MYCBP2: variants seen among roughly 807,000 people sequenced by gnomAD.
MYCBP2 encodes the protein MYC binding protein 2.
In MYCBP2, 120 loss-of-function variants were observed where a neutral mutation model predicts 525.3. That is an observed-to-expected ratio of 0.23 (90% CI 0.20 to 0.27). MYCBP2 has a LOEUF of 0.27. Among genes scored for constraint, MYCBP2 ranks in the 10% least tolerant of loss-of-function variants. The pLI is 1.00. For synonymous variants in MYCBP2, 1,894 were observed against 1,955.8 expected (o/e 0.97, Z 0.83); for missense variants, 4,149 against 5,657.1 (o/e 0.73, Z 8.55).
chr13:77,225,341 C>T, intron 19 of MYCBP2, 94 bp downstream of exon 19: 1 of 1,515,578 alleles, frequency 6.6e-7, no homozygotes, highest in Non-Finnish European at 9.0e-7. Context: ...GCTTTTAACA[C>T]ACAGTTAACA....
intron 3 of MYCBP2, among the ~76,000 whole-genome samples, chr13:77,279,614 A>G (rs1447823912): frequency 6.6e-6 from 1 of 152,196 alleles, no homozygotes; most frequent in Non-Finnish European, 1.5e-5. Context: ...AAATTGAAAT[A>G]AGACTAATTA....
At chr13:77,093,665 TATC>T (rs1446254726) in intron 58 of MYCBP2, among the ~76,000 whole-genome samples, 4 of 152,142 alleles carry the variant, frequency 2.6e-5, no homozygotes, top group Admixed American at 6.6e-5. Flanking sequence ...CTTAGCCCTC[TATC>T]ATCATCATCT....
chr13:77,211,868 A>G, intron 22 of MYCBP2, 88 bp downstream of exon 22: 1 of 1,075,448 alleles, frequency 9.3e-7, no homozygotes, highest in Non-Finnish European at 1.4e-6. Context: ...AAGCTACAAA[A>G]GTACATTTCA....
At chr13:77,299,478 G>A (rs1229676975) in intron 1 of MYCBP2, among the ~76,000 whole-genome samples, 2 of 152,034 alleles carry the variant, frequency 1.3e-5, no homozygotes, top group African/African-American at 4.8e-5. Context: ...AGAGGAAGAG[G>A]TAGAAGTTTT....
chr13:77,154,141 GT>G (rs1361465166), intron 46 of MYCBP2, among the ~76,000 whole-genome samples: 1 of 152,050 alleles, frequency 6.6e-6, no homozygotes, highest in Non-Finnish European at 1.5e-5. Flanking sequence ...AGTAAAATAG[GT>G]TAAATTAATT....
chr13:77,243,548 G>A (rs1436544669), intron 16 of MYCBP2, among the ~76,000 whole-genome samples: 4 of 151,772 alleles, frequency 2.6e-5, no homozygotes, highest in Non-Finnish European at 5.9e-5. Flanking sequence ...AGAAGGCGGA[G>A]GTTGCAGTGA....
chr13:77,066,817 G>A (rs2040286637), intron 71 of MYCBP2, among the ~76,000 whole-genome samples: 1 of 152,048 alleles, frequency 6.6e-6, no homozygotes, highest in Admixed American at 6.5e-5. Context: ...GTAGTGAGGT[G>A]TTTTCATTTG....
intron 40 of MYCBP2, 131 bp from the exon 41 acceptor site, chr13:77,166,685 T>C (rs1358707208): frequency 2.0e-6 from 1 of 501,132 alleles, no homozygotes; most frequent in Non-Finnish European, 3.3e-6. Context: ...AAAATTAAAA[T>C]AGAATAAAAT....
intron 52 of MYCBP2, among the ~76,000 whole-genome samples, chr13:77,134,658 C>G (rs562529920): frequency 6.6e-6 from 1 of 151,710 alleles, no homozygotes; most frequent in South Asian, 2.1e-4. Context: ...CACAGAGGAT[C>G]TGAACCCTTC....
chr13:77,146,073 T>C (rs2055495443), intron 48 of MYCBP2, 89 bp downstream of exon 48: 4 of 797,508 alleles, frequency 5.0e-6, no homozygotes, highest in South Asian at 4.3e-5. Flanking sequence ...TATTTATTTA[T>C]AGAAAATAAA....
chr13:77,119,551 A>C (rs1186636022), intron 55 of MYCBP2, among the ~76,000 whole-genome samples: 1 of 152,178 alleles, frequency 6.6e-6, no homozygotes, highest in Non-Finnish European at 1.5e-5. Flanking sequence ...AAGAAAAAAA[A>C]ACTTACAAAA....
intron 10 of MYCBP2, among the ~76,000 whole-genome samples, chr13:77,262,375 C>G (rs2073443147): frequency 6.6e-6 from 1 of 151,878 alleles, no homozygotes; most frequent in Non-Finnish European, 1.5e-5. Flanking sequence ...AAATATACGA[C>G]AAAAAAATTT....
chr13:77,095,766 G>A (rs2046146121), intron 57 of MYCBP2, among the ~76,000 whole-genome samples, 164 bp from the exon 58 acceptor site: 1 of 151,770 alleles, frequency 6.6e-6, no homozygotes. Context: ...ATTCATCCTG[G>A]GCTGACCAAG....
intron 55 of MYCBP2, among the ~76,000 whole-genome samples, chr13:77,118,892 C>A (rs73541775): frequency 0.013 from 1,939 of 152,184 alleles, 40 homozygotes; most frequent in African/African-American, 0.044. Context: ...ATGACTAATA[C>A]CACCCTGCCT....
Position 77,058,075 on chromosome 13 carries a change from C to G in MYCBP2, c.13329+143G>C. ...CAGGATGGTCTCGATCTCCTGACCT[C>G]GTGATCCACCTGCCTCGGCCTCCCA... On this transcript the variant is annotated intron_variant, in intron 78 of 82. Coordinates refer to ENST00000544440, the MANE Select transcript of MYCBP2 (RefSeq NM_015057.5). The surrounding 1 kb of genome is among the most constrained non-coding windows in gnomAD (Gnocchi z 4.1). The G allele has an allele frequency of 1.2e-6, 1 of 802,888 alleles. No homozygotes were observed. The highest frequency in any genetic ancestry group is 1.7e-5 in the South Asian group (1 of 58,962). 49.7% of individuals were successfully genotyped at this position (802,888 alleles called of 1,614,324 possible). A position where few individuals can be genotyped will look rare whatever the true frequency, so the allele number is the denominator to read the frequency against.
chr13:77,169,243 A>G (rs1447973801), intron 39 of MYCBP2, among the ~76,000 whole-genome samples: 1 of 151,984 alleles, frequency 6.6e-6, no homozygotes, highest in Non-Finnish European at 1.5e-5. Context: ...AAAAATACAA[A>G]AAATTAGCCG....
At chr13:77,066,317 T>C (rs2040190409) in intron 71 of MYCBP2, among the ~76,000 whole-genome samples, 2 of 152,340 alleles carry the variant, frequency 1.3e-5, no homozygotes, top group East Asian at 3.9e-4. Context: ...ATTATTTCTG[T>C]GTGCATCTTT....
At chr13:77,055,020 A>G (rs1451126321) in intron 80 of MYCBP2, among the ~76,000 whole-genome samples, 1 of 152,150 alleles carries the variant, frequency 6.6e-6, no homozygotes, top group Non-Finnish European at 1.5e-5. Context: ...GGTCATAAAC[A>G]TATACATGGT....
In MYCBP2 at chr13:77,326,287, G is replaced by A. The variant is rs1416108519; in HGVS notation, c.302+187C>T. 7.8e-6 allele frequency among the ~76,000 whole-genome samples: 1 copy of A among 128,682 alleles called. No homozygotes were observed. Among genetic ancestry groups the A allele is most frequent in the African/African-American group, 3.2e-5 (1 of 31,306 alleles). The allele number at this position is 128,682 out of a possible 152,430, so 84.4% of individuals were successfully genotyped here. ...CACACACACACACACACACACACGAGAAACTGCAGCCACCGCACCCTCCTA... is the reference window on the plus strand; with the variant it reads ...CACACACACACACACACACACACGAAAAACTGCAGCCACCGCACCCTCCTA... On this transcript the variant is annotated intron_variant, in intron 1 of 82. Transcript: ENST00000544440. This position sits in a 1 kb window ranked among gnomAD's most constrained non-coding sequence, Gnocchi z 4.2.
Sources: allele counts gnomAD v4.1 joint callset (sites outside exome capture counted in the v4.1 genomes callset), GRCh38; gene constraint gnomAD v4.1.1; non-coding constraint Gnocchi (gnomAD v3.1); transcripts MANE v1.5; gene names NCBI Gene and HGNC (gene_info 2026-07-23, HGNC 2026-07-21).